Variants in NAV2 observed in about 807,000 individuals in gnomAD.
NAV2 encodes neuron navigator 2, also known as helicase, APC down-regulated 1.
In NAV2, 54 loss-of-function variants were observed where a neutral mutation model predicts 223.2. The ratio of observed to expected loss-of-function variants is 0.24; its 90% CI spans 0.19 to 0.30. The LOEUF is 0.30. Among genes scored for constraint, NAV2 ranks in the 10% least tolerant of loss-of-function variants. The probability of loss-of-function intolerance (pLI) is 1.00; values close to 1 mark genes in which losing one functional copy is unlikely to be tolerated. For synonymous variants in NAV2, 1,279 were observed against 1,239.3 expected (o/e 1.03, Z -0.67); for missense variants, 2,806 against 3,147.5 (o/e 0.89, Z 2.60).
chr11:20,036,810 A>C (rs1020423469), intron 12 of NAV2, among the ~76,000 whole-genome samples: 1 of 152,206 alleles, frequency 6.6e-6, no homozygotes, highest in African/African-American at 2.4e-5. Context: ...CTCCTGCTCC[A>C]GTGTGCACAG....
At position 19,377,899 on chromosome 11, in the gene NAV2, G is replaced by C. The variant is rs148979425; in HGVS notation, c.75+26872G>C. Reference sequence around the variant, plus strand: ...GAGTAAGCTGAAGGAGATGGGAGTGGGGTGTAACAGCTCAACTTGACTCTG... The same window carrying C: ...GAGTAAGCTGAAGGAGATGGGAGTGCGGTGTAACAGCTCAACTTGACTCTG... On this transcript the variant is annotated intron_variant, in intron 1 of 37. Coordinates refer to the NAV2 transcript ENST00000360655. 1.9e-3 allele frequency among the ~76,000 whole-genome samples: 294 copies of C among 152,228 alleles called. 2 individuals carry two copies. The highest frequency in any genetic ancestry group is 6.7e-3 in the African/African-American group (279 of 41,536).
intron 1 of NAV2, among the ~76,000 whole-genome samples, chr11:19,666,656 C>A (rs1265866026): frequency 6.6e-6 from 1 of 152,138 alleles, no homozygotes; most frequent in African/African-American, 2.4e-5. Context: ...TTTGCCTCCT[C>A]CTTACTATAC....
chr11:19,493,837 T>G (rs2042708172), intron 1 of NAV2, among the ~76,000 whole-genome samples: 1 of 152,260 alleles, frequency 6.6e-6, no homozygotes, highest in Non-Finnish European at 1.5e-5. Flanking sequence ...TGGAGTTCAA[T>G]TCTCTATTTG....
At chr11:19,735,068 G>A (rs2052158823) in intron 1 of NAV2, among the ~76,000 whole-genome samples, 1 of 152,220 alleles carries the variant, frequency 6.6e-6, no homozygotes, top group African/African-American at 2.4e-5. Context: ...GGATAATAGT[G>A]TTGAGAGGAG....
intron 5 of NAV2, chr11:19,884,177 A>AG (rs899072176): frequency 1.4e-4 from 99 of 686,520 alleles, no homozygotes; most frequent in Middle Eastern, 2.4e-4. Flanking sequence ...AACAGTGGGC[A>AG]GGGGGGGAAA....
intron 1 of NAV2, among the ~76,000 whole-genome samples, chr11:19,547,983 C>G (rs1420047330): frequency 6.6e-6 from 1 of 152,144 alleles, no homozygotes; most frequent in Admixed American, 6.5e-5. Flanking sequence ...GATGGGGAAT[C>G]CCAGCCTGCA....
At chr11:19,735,577 A>C (rs899173086) in intron 1 of NAV2, among the ~76,000 whole-genome samples, 2 of 152,240 alleles carry the variant, frequency 1.3e-5, no homozygotes, top group Admixed American at 6.5e-5. Flanking sequence ...GGCCTTGCTT[A>C]GAGCAAGTCA....
At chr11:20,000,362 A>C (rs939412122) in intron 11 of NAV2, among the ~76,000 whole-genome samples, 5 of 152,154 alleles carry the variant, frequency 3.3e-5, no homozygotes, top group Admixed American at 2.0e-4. Flanking sequence ...CTGTTTTTGG[A>C]AGTAAAGATC....
intron 8 of NAV2, 65 bp downstream of exon 8, chr11:19,939,838 G>C: frequency 1.8e-6 from 2 of 1,107,104 alleles, no homozygotes; most frequent in South Asian, 1.4e-5. Flanking sequence ...ATACCTGCTG[G>C]AACAGCATGA....
intron 1 of NAV2, among the ~76,000 whole-genome samples, chr11:19,828,797 C>T (rs960042219): frequency 3.9e-5 from 6 of 152,168 alleles, no homozygotes; most frequent in African/African-American, 1.2e-4. Flanking sequence ...ATTAGAGCTG[C>T]GCCCTAGGAA....
At chr11:19,784,894 T>C (rs1161735542) in intron 1 of NAV2, among the ~76,000 whole-genome samples, 3 of 152,190 alleles carry the variant, frequency 2.0e-5, no homozygotes, top group Non-Finnish European at 4.4e-5. Flanking sequence ...ATCATCATCA[T>C]CATCATCAGA....
At chr11:19,764,243 C>A (rs2055019226) in intron 1 of NAV2, among the ~76,000 whole-genome samples, 1 of 152,190 alleles carries the variant, frequency 6.6e-6, no homozygotes, top group Non-Finnish European at 1.5e-5. Context: ...GATATTTTAA[C>A]TGATAAGCAT....
chr11:19,661,300 A>G (rs1170523593), intron 1 of NAV2, among the ~76,000 whole-genome samples: 1 of 152,170 alleles, frequency 6.6e-6, no homozygotes, highest in South Asian at 2.1e-4. Flanking sequence ...TAAGGCTGAA[A>G]AATATCATAC....
intron 37 of NAV2, among the ~76,000 whole-genome samples, chr11:20,116,616 A>G (rs1177994289): frequency 6.6e-6 from 1 of 152,222 alleles, no homozygotes; most frequent in Non-Finnish European, 1.5e-5. Flanking sequence ...TTTCTGAGCC[A>G]GTAACATTTG....
In NAV2 at chr11:19,857,905, A is replaced by C. The variant is rs531567881; in HGVS notation, c.439-11020A>C. ...ACAGTTTCACTCTGTCGCCCAGGCTAGAGTGCAGTGGCATGATCTTGGCTC... is the reference window on the plus strand; with the variant it reads ...ACAGTTTCACTCTGTCGCCCAGGCTCGAGTGCAGTGGCATGATCTTGGCTC... On this transcript the variant is annotated intron_variant, in intron 3 of 37. Coordinates refer to ENST00000349880, the MANE Select transcript of NAV2 (RefSeq NM_145117.5). Among the ~76,000 whole-genome samples, 390 of 152,250 alleles carry C rather than the reference A, an allele frequency of 2.6e-3. 1 individual carries two copies. The highest frequency in any genetic ancestry group is 4.1e-3 in the Admixed American group (63 of 15,286).
intron 22 of NAV2, among the ~76,000 whole-genome samples, chr11:20,076,085 C>G (rs1280844829): frequency 1.3e-5 from 2 of 152,162 alleles, no homozygotes; most frequent in African/African-American, 4.8e-5. Flanking sequence ...ACCATTTTCA[C>G]CGGCCTTGTT....
intron 9 of NAV2, among the ~76,000 whole-genome samples, chr11:19,948,438 T>G (rs1016911497): frequency 6.6e-6 from 1 of 152,124 alleles, no homozygotes; most frequent in Non-Finnish European, 1.5e-5. Context: ...GTCATTTAAT[T>G]AAAGTAATTC....
rs1378133013 is a variant in NAV2 at position 19,984,119 on chromosome 11, T to C, written c.2646-6T>C. The C allele has an allele frequency of 6.2e-7, 1 of 1,614,020 alleles. No homozygotes were observed. Among genetic ancestry groups the C allele is most frequent in the Admixed American group, 1.7e-5 (1 of 60,008 alleles). ...TCATGTGCATCATCTTCTTCTCCTT[T>C]TAAAGATACATGACTGATGGTGGAC... On this transcript the variant is annotated splice_region_variant and splice_polypyrimidine_tract_variant and intron_variant, in intron 10 of 37. Coordinates refer to ENST00000349880, the MANE Select transcript of NAV2 (RefSeq NM_145117.5).
At chr11:19,552,800 G>A (rs1036868042) in intron 1 of NAV2, among the ~76,000 whole-genome samples, 1 of 151,880 alleles carries the variant, frequency 6.6e-6, no homozygotes, top group Non-Finnish European at 1.5e-5. Flanking sequence ...CTCTCCGAGG[G>A]GCTGTTTCCT....
Sources: allele counts gnomAD v4.1 joint callset (sites outside exome capture counted in the v4.1 genomes callset), GRCh38; gene constraint gnomAD v4.1.1; transcripts MANE v1.5; gene names NCBI Gene and HGNC (gene_info 2026-07-23, HGNC 2026-07-21).